Variants in AIM2 observed in about 807,000 individuals in gnomAD.
The protein encoded by AIM2 is interferon-inducible protein AIM2.
In AIM2, 30 loss-of-function variants were observed where a neutral mutation model predicts 27.7. That is an observed-to-expected ratio of 1.08 (90% confidence interval 0.81 to 1.47). The LOEUF (loss-of-function observed/expected upper bound fraction) is 1.47, where lower values mean the gene tolerates loss of function less well. Among genes scored for constraint, AIM2 ranks in the 40% most tolerant of loss-of-function variants. The probability of loss-of-function intolerance (pLI) is 0.00; values close to 1 mark genes in which losing one functional copy is unlikely to be tolerated. For synonymous variants in AIM2, 141 were observed against 145.3 expected (o/e 0.97, Z 0.21); for missense variants, 358 against 411.3 (o/e 0.87, Z 1.12).
At chr1:159,143,629 C>T (rs1420500440), upstream of AIM2, among the ~76,000 whole-genome samples, 2 of 126,708 alleles carry the variant, frequency 1.6e-5, no homozygotes, top group Non-Finnish European at 3.4e-5. Context: ...CACACACACA[C>T]ACTGCTCTTC....
chr1:159,080,215 T>C (rs1036198973), upstream of AIM2, among the ~76,000 whole-genome samples: 9 of 152,212 alleles, frequency 5.9e-5, no homozygotes, highest in African/African-American at 2.2e-4. Flanking sequence ...ATTGCTGTGT[T>C]GTATAATAAG....
upstream of AIM2, among the ~76,000 whole-genome samples, chr1:159,143,076 T>C (rs1570987090): frequency 2.0e-5 from 3 of 152,286 alleles, 1 homozygote; most frequent in Middle Eastern, 0.01. Context: ...GGCCAGGTGA[T>C]GGCCAAGTAA....
downstream of AIM2, among the ~76,000 whole-genome samples, chr1:159,059,837 T>G (rs761646809): frequency 6.6e-6 from 1 of 152,194 alleles, no homozygotes; most frequent in Non-Finnish European, 1.5e-5. Flanking sequence ...TTGTTTTCAC[T>G]TCAATAGCTT....
In AIM2 at chr1:159,066,009, C is replaced by G. The variant is rs142558736; in HGVS notation, c.717G>C (p.Pro239=). The G allele has an allele frequency of 1.2e-6, 2 of 1,613,954 alleles. No individual in the cohort carries two copies. The highest frequency in any genetic ancestry group is 2.7e-5 in the African/African-American group (2 of 74,910). The part of the protein sequence containing the change: ...DAESDQKVNV[P]LNIIRKAGET... The stretch of plus-strand genomic sequence containing the variant: ...CACCAGCTTTTCTGATAATGTTCAG[C>G]GGGACATTAACCTTTTGGTCAGATT... The change falls in exon 4 of 6, where the codon CCG becomes CCC. Residue 239 remains proline (P), a synonymous_variant. Transcript: ENST00000368130.
At chr1:159,062,832 T>TTTG (rs1655892546) in intron 5 of AIM2, 114 bp from the exon 6 acceptor site, 1 of 1,030,502 alleles carries the variant, frequency 9.7e-7, no homozygotes, top group African/African-American at 1.6e-5. Flanking sequence ...ATAAAATTAT[T>TTTG]TTGTTCCCAC....
intron 1 of AIM2, among the ~76,000 whole-genome samples, chr1:159,082,560 G>A (rs1482526393): frequency 6.6e-6 from 1 of 151,874 alleles, no homozygotes; most frequent in Non-Finnish European, 1.5e-5. Context: ...CTAAGTCCTG[G>A]ACAGCAGGTG....
chr1:159,061,489 T>C (rs1032657475), downstream of AIM2, among the ~76,000 whole-genome samples: 3 of 151,788 alleles, frequency 2.0e-5, no homozygotes, highest in Non-Finnish European at 4.4e-5. Context: ...GCCTCCTGGG[T>C]TCAAGTGATT....
intron 1 of AIM2, among the ~76,000 whole-genome samples, chr1:159,107,680 G>A (rs571151112): frequency 6.6e-5 from 10 of 152,158 alleles, no homozygotes; most frequent in African/African-American, 2.4e-4. Context: ...ACCAAGGAAA[G>A]AAGAAAATCC....
At chr1:159,117,195 CG>C (rs1557910745) in intron 1 of AIM2, among the ~76,000 whole-genome samples, 1 of 151,976 alleles carries the variant, frequency 6.6e-6, no homozygotes, top group African/African-American at 2.4e-5. Context: ...ATTTTAAAAA[CG>C]GAGGAGACAG....
intron 1 of AIM2, among the ~76,000 whole-genome samples, chr1:159,112,020 C>T (rs915646212): frequency 6.6e-6 from 1 of 151,486 alleles, no homozygotes; most frequent in African/African-American, 2.4e-5. Context: ...CCAGCCTGGG[C>T]GACAGAGTGA....
At chr1:159,098,577 A>T (rs963978678) in intron 1 of AIM2, among the ~76,000 whole-genome samples, 32 of 152,204 alleles carry the variant, frequency 2.1e-4, no homozygotes, top group African/African-American at 7.5e-4. Flanking sequence ...CTAGAGAAAG[A>T]TAAAAATAAG....
At chr1:159,100,744 C>T (rs949374257) in intron 1 of AIM2, among the ~76,000 whole-genome samples, 1 of 152,184 alleles carries the variant, frequency 6.6e-6, no homozygotes, top group African/African-American at 2.4e-5. Flanking sequence ...GGTTGTGTGG[C>T]TAGTTGGTCC....
intron 1 of AIM2, among the ~76,000 whole-genome samples, chr1:159,121,221 C>T (rs938532206): frequency 6.6e-6 from 1 of 152,160 alleles, no homozygotes; most frequent in East Asian, 1.9e-4. Context: ...TGATGGGAAG[C>T]ATTGAGGGAG....
At chr1:159,103,131 TAGTG>T (rs1416791887) in intron 1 of AIM2, among the ~76,000 whole-genome samples, 2 of 152,208 alleles carry the variant, frequency 1.3e-5, no homozygotes, top group Non-Finnish European at 2.9e-5. Context: ...GTTGTCATGA[TAGTG>T]AGTGAGTTCT....
intron 1 of AIM2, among the ~76,000 whole-genome samples, chr1:159,111,884 A>ATCTG (rs1205946144): frequency 6.7e-6 from 1 of 148,968 alleles, no homozygotes; most frequent in African/African-American, 2.5e-5. Context: ...CTATCTATCT[A>ATCTG]TACATATATT....
chr1:159,068,641 G>A lies in AIM2; in HGVS notation c.323C>T (p.Pro108Leu), dbSNP rs765247998. ...PKPLSQAEMSPAASAAIRNDV... is the reference protein window; with the variant it reads ...PKPLSQAEMSLAASAAIRNDV... ...ATTTCTGATGGCTGCAGATGCAGCA[G>A]GACTCATTTCAGCTTGACTTAGTGG... The change falls in exon 3 of 6, where the codon CCT (proline) becomes CTT (leucine). Residue 108 changes from proline (P) to leucine (L), a missense_variant. Pro to Leu is a moderately conservative substitution (Grantham distance 98, BLOSUM62 -3). Transcript: ENST00000368130. The A allele has an allele frequency of 6.2e-7, 1 of 1,613,846 alleles. No homozygotes were observed. Among genetic ancestry groups the A allele is most frequent in the East Asian group, 2.2e-5 (1 of 44,872 alleles).
At chr1:159,107,837 C>A (rs547212746) in intron 1 of AIM2, among the ~76,000 whole-genome samples, 1 of 152,120 alleles carries the variant, frequency 6.6e-6, no homozygotes, top group South Asian at 2.1e-4. Context: ...AGATGTAACT[C>A]TCCTAGATTA....
intron 1 of AIM2, among the ~76,000 whole-genome samples, chr1:159,075,315 T>G (rs1656553430): frequency 6.6e-6 from 1 of 152,038 alleles, no homozygotes; most frequent in South Asian, 2.1e-4. Context: ...CTAAATAGAA[T>G]AGTAATGATG....
At chr1:159,094,676 C>T (rs1300627931) in intron 1 of AIM2, among the ~76,000 whole-genome samples, 4 of 152,010 alleles carry the variant, frequency 2.6e-5, no homozygotes, top group East Asian at 1.9e-4. Context: ...CCAGCCTGGG[C>T]GACAGAGCGA....
Sources: gnomAD v4.1 joint callset for allele counts (sites outside exome capture counted in the v4.1 genomes callset) on GRCh38, gnomAD v4.1.1 for gene constraint, MANE v1.5 for transcripts, NCBI Gene and HGNC (gene_info 2026-07-23, HGNC 2026-07-21) for gene names.